RSPO2: variants seen among roughly 807,000 people sequenced by gnomAD.
RSPO2 encodes R-spondin 2, also known as R-spondin-2.
RSPO2 carries 14 observed loss-of-function variants against 30.9 expected under a neutral mutation model. The observed-to-expected ratio is 0.45, with a 90% CI of 0.30 to 0.71. The LOEUF (loss-of-function observed/expected upper bound fraction) is 0.71. Ranked by LOEUF, RSPO2 falls within the 30% of genes least tolerant of loss-of-function variation. RSPO2 has a pLI of 0.08. For missense variants in RSPO2, 264 were observed against 301.9 expected (o/e 0.87, Z 0.93); for synonymous variants, 107 against 96.4 (o/e 1.11, Z -0.64).
chr8:107,958,408 T>A, intron 4 of RSPO2, 140 bp from the exon 5 acceptor site: 1 of 638,602 alleles, frequency 1.6e-6, no homozygotes, highest in South Asian at 2.0e-5. Context: ...TGGTACAGCC[T>A]TGAAGACCTA....
chr8:107,958,398 T>C (rs904421471), intron 4 of RSPO2, 130 bp from the exon 5 acceptor site: 1 of 675,520 alleles, frequency 1.5e-6, no homozygotes. Flanking sequence ...AAAAATTAAG[T>C]GGTACAGCCT....
chr8:107,975,311 G>A (rs1814168845), intron 3 of RSPO2, among the ~76,000 whole-genome samples: 3 of 152,112 alleles, frequency 2.0e-5, no homozygotes, highest in African/African-American at 7.2e-5. Context: ...CAAATTTATA[G>A]TGATCTGTGG....
chr8:107,932,533 G>C (rs1442786256), intron 5 of RSPO2, among the ~76,000 whole-genome samples: 1 of 152,100 alleles, frequency 6.6e-6, no homozygotes, highest in Middle Eastern at 3.2e-3. Flanking sequence ...AGCTGGTAGA[G>C]AAAAGGAGGA....
chr8:108,072,573 C>T (rs927219898), intron 2 of RSPO2, among the ~76,000 whole-genome samples: 1 of 149,890 alleles, frequency 6.7e-6, no homozygotes, highest in Non-Finnish European at 1.5e-5. Context: ...CTCCTGACCT[C>T]GTGATCCGCC....
chr8:108,055,630 G>T (rs769238327), intron 2 of RSPO2, among the ~76,000 whole-genome samples: 4 of 152,110 alleles, frequency 2.6e-5, no homozygotes, highest in Non-Finnish European at 5.9e-5. Flanking sequence ...GTGTTGAGGA[G>T]AAAACAAGGA....
At chr8:108,002,527 A>G (rs1815285567) in intron 2 of RSPO2, among the ~76,000 whole-genome samples, 1 of 152,124 alleles carries the variant, frequency 6.6e-6, no homozygotes, top group Non-Finnish European at 1.5e-5. Flanking sequence ...GGTAGGATGG[A>G]CTCTATTTAA....
chr8:107,943,835 A>C (rs1812974301), intron 5 of RSPO2, among the ~76,000 whole-genome samples: 1 of 152,226 alleles, frequency 6.6e-6, no homozygotes, highest in South Asian at 2.1e-4. Flanking sequence ...AAAGACAAGA[A>C]TACTACAAGG....
chr8:107,974,086 C>T, intron 3 of RSPO2, among the ~76,000 whole-genome samples: 1 of 152,106 alleles, frequency 6.6e-6, no homozygotes, highest in East Asian at 1.9e-4. Context: ...GGGTAACCTG[C>T]CTACAGGGGT....
chr8:108,045,894 C>CTG (rs1811895898), intron 2 of RSPO2, among the ~76,000 whole-genome samples: 1 of 152,200 alleles, frequency 6.6e-6, no homozygotes, highest in African/African-American at 2.4e-5. Flanking sequence ...TGGAATTAAA[C>CTG]TGTGTAATAT....
chr8:108,055,694 A>G (rs1004267798), intron 2 of RSPO2, among the ~76,000 whole-genome samples: 1 of 152,178 alleles, frequency 6.6e-6, no homozygotes, highest in Admixed American at 6.5e-5. Context: ...GAAATGTGGG[A>G]AAGAATGCAT....
At chr8:107,997,006 C>T in intron 2 of RSPO2, 1 of 415,416 alleles carries the variant, frequency 2.4e-6, no homozygotes. Context: ...TGAGTACTCT[C>T]TCCCCACTTT....
chr8:107,906,606 C>G (rs1306474031), intron 5 of RSPO2, among the ~76,000 whole-genome samples: 1 of 151,838 alleles, frequency 6.6e-6, no homozygotes, highest in Non-Finnish European at 1.5e-5. Context: ...AACTATTGGC[C>G]TAAACACTTC....
chr8:107,940,873 T>C (rs13280114), intron 5 of RSPO2, among the ~76,000 whole-genome samples: 1 of 152,184 alleles, frequency 6.6e-6, no homozygotes, highest in Non-Finnish European at 1.5e-5. Flanking sequence ...TCTGATACAG[T>C]TTTTTTCTTT....
intron 3 of RSPO2, among the ~76,000 whole-genome samples, chr8:107,986,347 G>A (rs1814632416): frequency 6.6e-6 from 1 of 152,048 alleles, no homozygotes; most frequent in Non-Finnish European, 1.5e-5. Context: ...ATTTTCTCTA[G>A]GTCAGTAAAC....
intron 2 of RSPO2, among the ~76,000 whole-genome samples, chr8:107,990,127 G>GAAAATTCT (rs574458477): frequency 2.3e-3 from 343 of 152,228 alleles, no homozygotes; most frequent in African/African-American, 7.9e-3. Context: ...ACAATGAAAT[G>GAAAATTCT]AAAATTCTAA....
chr8:108,024,711 C>G (rs1006242118), intron 2 of RSPO2, among the ~76,000 whole-genome samples: 1 of 152,078 alleles, frequency 6.6e-6, no homozygotes, highest in African/African-American at 2.4e-5. Context: ...TTTACGTACT[C>G]AACAGATAAT....
intron 2 of RSPO2, among the ~76,000 whole-genome samples, chr8:108,061,313 G>A (rs200724970): frequency 7.3e-5 from 11 of 151,556 alleles, no homozygotes; most frequent in Non-Finnish European, 1.0e-4. Flanking sequence ...AGACACACAT[G>A]GGCTCAAAAT....
intron 2 of RSPO2, among the ~76,000 whole-genome samples, chr8:108,078,334 A>G (rs1246844008): frequency 6.6e-6 from 1 of 152,228 alleles, no homozygotes; most frequent in Non-Finnish European, 1.5e-5. Context: ...AAAAAAGAGA[A>G]AAGAACAGAA....
intron 2 of RSPO2, among the ~76,000 whole-genome samples, chr8:108,063,970 A>G (rs1037606662): frequency 6.6e-6 from 1 of 152,222 alleles, no homozygotes; most frequent in African/African-American, 2.4e-5. Flanking sequence ...AAAACTGGCT[A>G]GCCATATGTA....
Sources: allele counts gnomAD v4.1 joint callset (sites outside exome capture counted in the v4.1 genomes callset), GRCh38; gene constraint gnomAD v4.1.1; transcripts MANE v1.5; gene names NCBI Gene and HGNC (gene_info 2026-07-23, HGNC 2026-07-21).